CFAP47: variants seen among roughly 807,000 people sequenced by gnomAD.
The protein encoded by CFAP47 is cilia- and flagella-associated protein 47.
CFAP47 carries 29 observed loss-of-function variants against 148.1 expected under a neutral mutation model. That is an observed-to-expected ratio of 0.20 (90% CI 0.15 to 0.27). CFAP47 has a LOEUF of 0.27. Ranked by LOEUF, CFAP47 falls within the 10% of genes least tolerant of loss-of-function variation. CFAP47 has a pLI of 1.00. For missense variants in CFAP47, 1,872 were observed against 1,697.5 expected, an observed-to-expected ratio of 1.10 and a Z score of -1.81; for synonymous variants, 664 against 577.3, an observed-to-expected ratio of 1.15 and a Z score of -2.15.
chrX:36,021,431 T>C (rs777085081), intron 22 of CFAP47, among the ~76,000 whole-genome samples: 41 of 110,851 alleles, frequency 3.7e-4, no homozygotes, highest in Non-Finnish European at 6.2e-4. Context: ...GCCTTCCGAG[T>C]AGCTGGGACT....
intron 62 of CFAP47, among the ~76,000 whole-genome samples, chrX:36,376,374 C>T (rs138555550): frequency 0.031 from 3,423 of 111,470 alleles, 125 homozygotes; most frequent in African/African-American, 0.11. Context: ...CTTAGTAGTC[C>T]TCAGAAATCT....
At chrX:36,237,839 C>G (rs781823763) in intron 48 of CFAP47, among the ~76,000 whole-genome samples, 13 of 110,735 alleles carry the variant, frequency 1.2e-4, no homozygotes, top group Non-Finnish European at 2.3e-4. Flanking sequence ...TGTAAATTCT[C>G]TGGGTTTACT....
chrX:36,173,054 C>G (rs1158002080), intron 39 of CFAP47, among the ~76,000 whole-genome samples: 2 of 111,046 alleles, frequency 1.8e-5, no homozygotes, highest in Non-Finnish European at 3.8e-5. Context: ...AGGAATTTAT[C>G]CATTTCTTCT....
chrX:36,096,523 C>T (rs888598060), intron 30 of CFAP47, among the ~76,000 whole-genome samples: 2 of 111,323 alleles, frequency 1.8e-5, no homozygotes, highest in Non-Finnish European at 3.8e-5. Flanking sequence ...CTGGGTGTTA[C>T]AGTGTTTAGT....
rs781945695 is a variant in CFAP47 at position 36,350,050 on chromosome X, C to T, written c.8616C>T (p.Ile2872=). Residue 2872 remains isoleucine (I), a synonymous_variant, in exon 59 of 64, where the codon ATC becomes ATT. Coordinates refer to ENST00000378653, the MANE Select transcript of CFAP47 (RefSeq NM_001304548.2). ...LDIKFKSIVG[I]DSEEIQAIHW... Reference sequence around the variant, plus strand: ...AATTTCTAATTAGTATTGTGGGAATCGACAGCGAAGAAATCCAAGCAATAC... The same window carrying T: ...AATTTCTAATTAGTATTGTGGGAATTGACAGCGAAGAAATCCAAGCAATAC... The T allele has an allele frequency of 1.4e-4, 157 of 1,145,439 alleles. No homozygotes were observed. In the East Asian group the frequency reaches 4.7e-3, roughly 34 times the overall value. The allele number at this position is 1,145,439 out of a possible 1,213,427, so 94.4% of individuals were successfully genotyped here. A position where few individuals can be genotyped will look rare whatever the true frequency, so the allele number is the denominator to read the frequency against.
intron 49 of CFAP47, among the ~76,000 whole-genome samples, chrX:36,277,571 A>G (rs1556002895): frequency 8.9e-6 from 1 of 112,598 alleles, no homozygotes; most frequent in African/African-American, 3.2e-5. Context: ...ACAAACATAT[A>G]CATATTCTCT....
chrX:35,925,039 C>T (rs1036014342), intron 1 of CFAP47, among the ~76,000 whole-genome samples: 6 of 111,182 alleles, frequency 5.4e-5, no homozygotes, highest in African/African-American at 2.0e-4. Context: ...GAATGAGTTC[C>T]GGTGATCTAT....
chrX:35,954,163 G>A (rs1936210184), intron 7 of CFAP47, among the ~76,000 whole-genome samples: 1 of 111,047 alleles, frequency 9.0e-6, no homozygotes, highest in Non-Finnish European at 1.9e-5. Context: ...ACAGGACAGT[G>A]TTATTGGATA....
At chrX:36,036,063 G>A (rs1330966269) in intron 24 of CFAP47, among the ~76,000 whole-genome samples, 1 of 111,103 alleles carries the variant, frequency 9.0e-6, no homozygotes, top group Non-Finnish European at 1.9e-5. Flanking sequence ...ACAATGTGAG[G>A]ATTTGATGTA....
At chrX:35,956,477 G>A (rs866336900) in intron 8 of CFAP47, among the ~76,000 whole-genome samples, 86 of 112,094 alleles carry the variant, frequency 7.7e-4, no homozygotes, top group African/African-American at 2.8e-3. Flanking sequence ...ACACAGGTAG[G>A]TATGGCTTAA....
At chrX:36,097,487 G>T (rs1395882557) in intron 30 of CFAP47, among the ~76,000 whole-genome samples, 1 of 111,134 alleles carries the variant, frequency 9.0e-6, no homozygotes, top group Non-Finnish European at 1.9e-5. Flanking sequence ...ATATTTGAAG[G>T]ATAATTTTAC....
chrX:36,070,142 T>C (rs1199200250), intron 27 of CFAP47, among the ~76,000 whole-genome samples: 1 of 112,254 alleles, frequency 8.9e-6, no homozygotes, highest in Non-Finnish European at 1.9e-5. Flanking sequence ...GACTCTGTTA[T>C]GAAAGAGTGC....
At position 36,104,546 on chromosome X, in the gene CFAP47, C is replaced by T; in HGVS notation, c.5175C>T (p.Pro1725=). ...RVVPYCSNNM[P]PICVQNTPKV... ...TGCCATACTGCAGCAATAATATGCC[C>T]CCCATATGTGTGCAAAATACACCAA... is the stretch of plus-strand genomic sequence containing the variant. The change falls in exon 33 of 64, where the codon CCC becomes CCT. Residue 1725 remains proline (P), a synonymous_variant. Transcript: ENST00000378653. 9.8e-7 allele frequency: 1 copy of T among 1,019,128 alleles called. No individual in the cohort carries two copies. The highest frequency in any genetic ancestry group is 1.4e-6 in the Non-Finnish European group (1 of 737,446). The allele number at this position is 1,019,128 out of a possible 1,213,427, so 84.0% of individuals were successfully genotyped here.
At chrX:36,212,311 G>A (rs1940111183) in intron 45 of CFAP47, among the ~76,000 whole-genome samples, 1 of 112,011 alleles carries the variant, frequency 8.9e-6, no homozygotes, top group African/African-American at 3.2e-5. Flanking sequence ...TTGCTTTGTA[G>A]TAAGTTTTGA....
At position 36,071,890 on chromosome X, in the gene CFAP47, C is replaced by A. The variant is rs1381334805; in HGVS notation, c.4384C>A (p.Pro1462Thr). ...VLPPYQDAKP[P>T]SPASIKKTYT... ...GCCTCCCTACCAGGATGCTAAACCA[C>A]CCTCTCCTGCTTCAATTAAAAAGAC... Residue 1462 changes from proline to threonine, a missense_variant, in exon 28 of 64, where the codon CCC becomes ACC. By Grantham distance (38) the Pro-to-Thr change is conservative (BLOSUM62 -1). Transcript: ENST00000378653. The A allele has an allele frequency of 3.3e-6, 4 of 1,202,312 alleles. No homozygotes were observed. Among genetic ancestry groups the A allele is most frequent in the Non-Finnish European group, 4.5e-6 (4 of 888,831 alleles).
At chrX:36,251,535 C>T in intron 49 of CFAP47, 91 bp downstream of exon 49, 1 of 375,826 alleles carries the variant, frequency 2.7e-6, no homozygotes, top group Middle Eastern at 4.4e-4. Context: ...TTTGTATTTC[C>T]ACTTTCTATT....
intron 51 of CFAP47, among the ~76,000 whole-genome samples, chrX:36,297,625 C>G (rs1941255199): frequency 9.0e-6 from 1 of 111,410 alleles, no homozygotes; most frequent in South Asian, 3.8e-4. Context: ...GTATGAGGAT[C>G]AGGAAATATC....
At chrX:36,056,261 T>TA (rs895146399) in intron 26 of CFAP47, among the ~76,000 whole-genome samples, 1 of 111,725 alleles carries the variant, frequency 9.0e-6, no homozygotes, top group Non-Finnish European at 1.9e-5. Flanking sequence ...ACAATATGTA[T>TA]AAAAAAAGAG....
At chrX:36,076,257 C>T (rs1390672451) in intron 29 of CFAP47, among the ~76,000 whole-genome samples, 1 of 105,824 alleles carries the variant, frequency 9.4e-6, no homozygotes, top group Non-Finnish European at 1.9e-5. Flanking sequence ...TATACATGTG[C>T]CATGTTGGTG....
Sources: gnomAD v4.1 joint callset for allele counts (sites outside exome capture counted in the v4.1 genomes callset) on GRCh38, gnomAD v4.1.1 for gene constraint, MANE v1.5 for transcripts, NCBI Gene and HGNC (gene_info 2026-07-23, HGNC 2026-07-21) for gene names.